Variants in RNASEH2C observed in about 807,000 individuals in gnomAD.
The protein encoded by RNASEH2C is RNase H1 small subunit.
A neutral mutation model predicts 16.3 loss-of-function variants in RNASEH2C; 20 were observed. The ratio of observed to expected loss-of-function variants is 1.23; its 90% CI spans 0.86 to 1.79. The LOEUF (loss-of-function observed/expected upper bound fraction) is 1.79, where lower values mean the gene tolerates loss of function less well. RNASEH2C is among the 40% of genes most tolerant of loss of function. The pLI is 0.00. For synonymous variants in RNASEH2C, 106 were observed against 98.9 expected (o/e 1.07, Z -0.43); for missense variants, 296 against 235.9 (o/e 1.25, Z -1.67).
Position 65,720,223 on chromosome 11 carries a change from A to C in RNASEH2C, c.348+19T>G. On this transcript the variant is annotated intron_variant, in intron 2 of 3. Coordinates refer to ENST00000308418, the MANE Select transcript of RNASEH2C (RefSeq NM_032193.4). ...CAGCTCCCGCCCGCACCCCCTTTCA[A>C]CCCTATCCCTTTGCTCACGAAGTCC... 6.2e-7 allele frequency: 1 copy of C among 1,613,818 alleles called. No homozygotes were observed. The highest frequency in any genetic ancestry group is 8.5e-7 in the Non-Finnish European group (1 of 1,179,876).
In RNASEH2C at chr11:65,720,648, C is replaced by CGCA; in HGVS notation, c.108_110dup (p.Ala37dup). ...GCCCCACCGGGGCGGGCCCGTCCAC[C>CGCA]GCAACCTCGCAGGGCAGCAGATGCA... On this transcript the variant is annotated inframe_insertion, in exon 1 of 4. Coordinates refer to ENST00000308418, the MANE Select transcript of RNASEH2C (RefSeq NM_032193.4). 6.3e-7 allele frequency: 1 copy of CGCA among 1,577,466 alleles called. No homozygotes were observed. The highest frequency in any genetic ancestry group is 8.6e-7 in the Non-Finnish European group (1 of 1,165,640).
rs1235253878 is a variant in RNASEH2C at position 65,718,546 on chromosome 11, C to T, written c.*1237G>A. 3 of 1,584,634 alleles carry T rather than the reference C, an allele frequency of 1.9e-6. No individual in the cohort carries two copies. The highest frequency in any genetic ancestry group is 1.8e-5 in the Admixed American group (1 of 56,248). On this transcript the variant is annotated 3_prime_UTR_variant, in exon 4 of 4. Transcript: ENST00000308418. ...TGTGTTTTTAAATGTTGCTTATGTT[C>T]ATCTGTGACCTCTTACTCACCCTCT... is the stretch of plus-strand genomic sequence containing the variant.
chr11:65,720,657 G>T lies in RNASEH2C; in HGVS notation c.102C>A (p.Cys34Ter), dbSNP rs1857361112. 2 of 1,588,014 alleles carry T rather than the reference G, an allele frequency of 1.3e-6. No homozygotes were observed. The highest frequency in any genetic ancestry group is 1.7e-6 in the Non-Finnish European group (2 of 1,170,638). ...AVPATLHLLP[C>*]EVAVDGPAPV... ...GGGCGGGCCCGTCCACCGCAACCTC[G>T]CAGGGCAGCAGATGCAGTGTGGCGG... The change falls in exon 1 of 4, where the codon TGC becomes TGA. Residue 34 changes from cysteine (C) to a stop codon, truncating the protein, a stop_gained. Coordinates refer to ENST00000308418, the MANE Select transcript of RNASEH2C (RefSeq NM_032193.4). LOFTEE classifies it high-confidence loss of function.
chr11:65,720,275 G>A lies in RNASEH2C; in HGVS notation c.315C>T (p.Asp105=). 1 of 1,614,242 alleles carries A rather than the reference G, an allele frequency of 6.2e-7. No individual in the cohort carries two copies. The highest frequency in any genetic ancestry group is 1.3e-5 in the African/African-American group (1 of 75,066). Residue 105 remains aspartate (D), a synonymous_variant, in exon 2 of 4, where the codon GAC becomes GAT. Transcript: ENST00000308418. ...GCTCCAGCGGCTCCTCCTCTTGGTCGTCAGTCCCGGAATCCCGCAAGGGGT... is the reference window on the plus strand; with the variant it reads ...GCTCCAGCGGCTCCTCCTCTTGGTCATCAGTCCCGGAATCCCGCAAGGGGT... ...KPDPLRDSGT[D]DQEEEPLERD...
At position 65,717,742 on chromosome 11, in the gene RNASEH2C, A is replaced by T. The variant is rs1238705458; in HGVS notation, c.*2041T>A. On this transcript the variant is annotated 3_prime_UTR_variant, in exon 4 of 4. Coordinates refer to ENST00000308418, the MANE Select transcript of RNASEH2C (RefSeq NM_032193.4). ...TGGGGTCACATCCTCAGAACTTCTCAGCCTGGTAGCACAAGTGGATGCTTG... is the reference window on the plus strand; with the variant it reads ...TGGGGTCACATCCTCAGAACTTCTCTGCCTGGTAGCACAAGTGGATGCTTG... 1.3e-5 allele frequency: 2 copies of T among 152,756 alleles called. No homozygotes were observed. Among genetic ancestry groups the T allele is most frequent in the African/African-American group, 4.8e-5 (2 of 41,476 alleles). 9.5% of individuals were successfully genotyped at this position (152,756 alleles called of 1,614,324 possible).
Position 65,720,180 on chromosome 11 carries a change from G to A in RNASEH2C, c.349-16C>T, listed in dbSNP as rs199868316. The A allele has an allele frequency of 1.2e-5, 20 of 1,614,258 alleles. No individual in the cohort carries two copies. The highest frequency in any genetic ancestry group is 2.7e-5 in the African/African-American group (2 of 75,076). The stretch of plus-strand genomic sequence containing the variant: ...TGAAGCGGTCCTGGGGAAGGGGCCT[G>A]GCTCAGCATCGGGACTACAGCTCCC... On this transcript the variant is annotated splice_polypyrimidine_tract_variant and intron_variant, in intron 2 of 3. Coordinates refer to ENST00000308418, the MANE Select transcript of RNASEH2C (RefSeq NM_032193.4).
At position 65,719,787 on chromosome 11, in the gene RNASEH2C, T is replaced by A. The variant is rs771823743; in HGVS notation, c.491A>T (p.Asp164Val). The change falls in exon 4 of 4, where the codon GAC becomes GTC. Residue 164 changes from aspartate (D) to valine (V), a missense_variant. Asp to Val is a radical substitution (Grantham distance 152). Transcript: ENST00000308418. ...TTGAATTTCAAGCTCTGGTTCTCAG[T>A]CCTCGGGCACCTGTGCGTGAATCTG... is the stretch of plus-strand genomic sequence containing the variant. ...AAAIHAQVPE[D>V] is the part of the protein sequence containing the mutation. The A allele has an allele frequency of 6.2e-7, 1 of 1,614,124 alleles. No homozygotes were observed. Among genetic ancestry groups the A allele is most frequent in the Non-Finnish European group, 8.5e-7 (1 of 1,180,022 alleles).
Position 65,719,217 on chromosome 11 carries a change from A to G in RNASEH2C, c.*566T>C, listed in dbSNP as rs1473178566. 2 of 1,608,150 alleles carry G rather than the reference A, an allele frequency of 1.2e-6. No individual in the cohort carries two copies. Among genetic ancestry groups the G allele is most frequent in the East Asian group, 2.2e-5 (1 of 44,860 alleles). On this transcript the variant is annotated 3_prime_UTR_variant, in exon 4 of 4. Transcript: ENST00000308418. Reference sequence around the variant, plus strand: ...CCCACTGCAGTGCCAAGACGGCAGCAGGACTGGGGCTGATAGCCCACCCCG... The same window carrying G: ...CCCACTGCAGTGCCAAGACGGCAGCGGGACTGGGGCTGATAGCCCACCCCG...
At position 65,720,779 on chromosome 11, in the gene RNASEH2C, A is replaced by C; in HGVS notation, c.-21T>G. On this transcript the variant is annotated 5_prime_UTR_variant, in exon 1 of 4. Coordinates refer to ENST00000308418, the MANE Select transcript of RNASEH2C (RefSeq NM_032193.4). ...TCCATCCTCCCTCCTACGCGACGCCAGGGCTCGCGAGCTGACACTGAAGCT... is the reference window on the plus strand; with the variant it reads ...TCCATCCTCCCTCCTACGCGACGCCCGGGCTCGCGAGCTGACACTGAAGCT... 6.4e-7 allele frequency: 1 copy of C among 1,569,986 alleles called. No individual in the cohort carries two copies. The highest frequency in any genetic ancestry group is 8.6e-7 in the Non-Finnish European group (1 of 1,165,114).
rs1218939120 is a variant in RNASEH2C at position 65,718,069 on chromosome 11, AGCACCTTGGT to A, written c.*1704_*1713del. The A allele has an allele frequency of 7.1e-5, 11 of 154,398 alleles. No individual in the cohort carries two copies. Among genetic ancestry groups the A allele is most frequent in the Admixed American group, 6.4e-4 (10 of 15,674 alleles). The allele number at this position is 154,398 out of a possible 1,614,324, so 9.6% of individuals were successfully genotyped here. On this transcript the variant is annotated 3_prime_UTR_variant, in exon 4 of 4. Coordinates refer to ENST00000308418, the MANE Select transcript of RNASEH2C (RefSeq NM_032193.4). ...CAGGAATGGTCTCCCCGACTTAGGA[AGCACCTTGGT>A]GCACCTTTTCTCCTTGCATCCTCAC...
At chr11:65,720,215 C>A (rs1453345240) in intron 2 of RNASEH2C, 27 bp downstream of exon 2, 6 of 1,614,266 alleles carry the variant, frequency 3.7e-6, no homozygotes, top group Non-Finnish European at 2.5e-6. Context: ...CGCCCGCACC[C>A]CCTTTCAACC....
chr11:65,720,590 C>G lies in RNASEH2C; in HGVS notation c.169G>C (p.Glu57Gln), dbSNP rs769127379. The G allele has an allele frequency of 1.3e-6, 2 of 1,532,742 alleles. No homozygotes were observed. Among genetic ancestry groups the G allele is most frequent in the South Asian group, 1.2e-5 (1 of 83,870 alleles). The allele number at this position is 1,532,742 out of a possible 1,614,324, so 94.9% of individuals were successfully genotyped here. A position where few individuals can be genotyped will look rare whatever the true frequency, so the allele number is the denominator to read the frequency against. ...FFTPAIRQGP[E>Q]GLEVSFRGRC... Reference sequence around the variant, plus strand: ...GTAGTCCGGCCGCAGGGCTCACCCTCGGGGCCCTGGCGGATGGCGGGCGTG... The same window carrying G: ...GTAGTCCGGCCGCAGGGCTCACCCTGGGGGCCCTGGCGGATGGCGGGCGTG... Residue 57 changes from glutamate to glutamine, a missense_variant, in exon 1 of 4, where the codon GAG becomes CAG. Coordinates refer to ENST00000308418, the MANE Select transcript of RNASEH2C (RefSeq NM_032193.4).
At chr11:65,719,957 C>A in intron 3 of RNASEH2C, 88 bp downstream of exon 3, 1 of 1,607,806 alleles carries the variant, frequency 6.2e-7, no homozygotes, top group Non-Finnish European at 8.5e-7. Flanking sequence ...CCACACACTA[C>A]CCAGTAGAAT....
chr11:65,719,219 G>T lies in RNASEH2C; in HGVS notation c.*564C>A, dbSNP rs771838298. The T allele has an allele frequency of 1.9e-6, 3 of 1,605,810 alleles. No individual in the cohort carries two copies. Among genetic ancestry groups the T allele is most frequent in the East Asian group, 2.2e-5 (1 of 44,834 alleles). The stretch of plus-strand genomic sequence containing the variant: ...CACTGCAGTGCCAAGACGGCAGCAG[G>T]ACTGGGGCTGATAGCCCACCCCGCC... On this transcript the variant is annotated 3_prime_UTR_variant, in exon 4 of 4. Transcript: ENST00000308418.
At position 65,719,274 on chromosome 11, in the gene RNASEH2C, G is replaced by A; in HGVS notation, c.*509C>T. ...CTGCAGCTCCCACAAAGCACTCTAA[G>A]GGAGATGGGGCTGAGGACAGCTCAA... On this transcript the variant is annotated 3_prime_UTR_variant, in exon 4 of 4. Transcript: ENST00000308418. 3 of 1,447,090 alleles carry A rather than the reference G, an allele frequency of 2.1e-6. No individual in the cohort carries two copies. In the Admixed American group the frequency reaches 5.5e-5, roughly 27 times the overall value. The allele number at this position is 1,447,090 out of a possible 1,614,324, so 89.6% of individuals were successfully genotyped here. A position where few individuals can be genotyped will look rare whatever the true frequency, so the allele number is the denominator to read the frequency against.
chr11:65,720,162 G>A lies in RNASEH2C; in HGVS notation c.351C>T (p.Asp117=). 1 of 1,614,232 alleles carries A rather than the reference G, an allele frequency of 6.2e-7. No homozygotes were observed. The highest frequency in any genetic ancestry group is 8.5e-7 in the Non-Finnish European group (1 of 1,180,028). Reference sequence around the variant, plus strand: ...AGTTGGCAGTGGCTCCAATGAAGCGGTCCTGGGGAAGGGGCCTGGCTCAGC... The same window carrying A: ...AGTTGGCAGTGGCTCCAATGAAGCGATCCTGGGGAAGGGGCCTGGCTCAGC... ...QEEEPLERDF[D]RFIGATANFS... Residue 117 remains aspartate, a splice_region_variant and synonymous_variant, in exon 3 of 4, where the codon GAC becomes GAT. Coordinates refer to ENST00000308418, the MANE Select transcript of RNASEH2C (RefSeq NM_032193.4).
chr11:65,718,448 C>T lies in RNASEH2C; in HGVS notation c.*1335G>A. 1 of 787,920 alleles carries T rather than the reference C, an allele frequency of 1.3e-6. No individual in the cohort carries two copies. The highest frequency in any genetic ancestry group is 2.5e-5 in the East Asian group (1 of 40,740). The allele number at this position is 787,920 out of a possible 1,614,324, so 48.8% of individuals were successfully genotyped here. ...AGTTCTTCCTGAGGGAACTGAGGCACAGAGAAGTGGAGGGCATAGAACTGC... is the reference window on the plus strand; with the variant it reads ...AGTTCTTCCTGAGGGAACTGAGGCATAGAGAAGTGGAGGGCATAGAACTGC... On this transcript the variant is annotated 3_prime_UTR_variant, in exon 4 of 4. Coordinates refer to ENST00000308418, the MANE Select transcript of RNASEH2C (RefSeq NM_032193.4).
In RNASEH2C at chr11:65,719,415, G is replaced by A; in HGVS notation, c.*368C>T. 1.6e-6 allele frequency: 1 copy of A among 611,966 alleles called. No individual in the cohort carries two copies. Among genetic ancestry groups the A allele is most frequent in the East Asian group, 2.8e-5 (1 of 36,338 alleles). The allele number at this position is 611,966 out of a possible 1,614,324, so 37.9% of individuals were successfully genotyped here. On this transcript the variant is annotated 3_prime_UTR_variant, in exon 4 of 4. Transcript: ENST00000308418. ...AGGCCCAGGCCTCCTCTGAAGCAGG[G>A]ACCAGAGGGAGCCAGGCAGCTGTGT... is the stretch of plus-strand genomic sequence containing the variant.
rs1857275011 is a variant in RNASEH2C at position 65,718,332 on chromosome 11, C to G, written c.*1451G>C. On this transcript the variant is annotated 3_prime_UTR_variant, in exon 4 of 4. Coordinates refer to ENST00000308418, the MANE Select transcript of RNASEH2C (RefSeq NM_032193.4). ...TCCCCTGCCCATAAGCCTTCACTGGCCTCTGATCACCCTCATGGTTGACTG... is the reference window on the plus strand; with the variant it reads ...TCCCCTGCCCATAAGCCTTCACTGGGCTCTGATCACCCTCATGGTTGACTG... The G allele has an allele frequency of 2.4e-6, 1 of 424,444 alleles. No homozygotes were observed. Among genetic ancestry groups the G allele is most frequent in the African/African-American group, 2.0e-5 (1 of 50,596 alleles). 26.3% of individuals were successfully genotyped at this position (424,444 alleles called of 1,614,324 possible).
Sources: allele counts gnomAD v4.1 joint callset, GRCh38; gene constraint gnomAD v4.1.1; transcripts MANE v1.5; gene names NCBI Gene and HGNC (gene_info 2026-07-23, HGNC 2026-07-21).